The following PPP6C variants were observed in gnomAD, a reference collection of about 807,000 sequenced individuals.
The protein encoded by PPP6C is protein phosphatase 6 catalytic subunit.
A neutral mutation model predicts 39.8 loss-of-function variants in PPP6C; 11 were observed. The ratio of observed to expected loss-of-function variants is 0.28; its 90% CI spans 0.17 to 0.46. The LOEUF (loss-of-function observed/expected upper bound fraction) is 0.46. Among genes scored for constraint, PPP6C ranks in the 20% least tolerant of loss-of-function variants. The probability of loss-of-function intolerance (pLI) is 1.00; values close to 1 mark genes in which losing one functional copy is unlikely to be tolerated. For synonymous variants in PPP6C, 129 were observed against 130.3 expected (o/e 0.99, Z 0.07); for missense variants, 211 against 373.9 (o/e 0.56, Z 3.59).
At chr9:125,185,275 C>T (rs56754163) in intron 1 of PPP6C, among the ~76,000 whole-genome samples, 2 of 149,568 alleles carry the variant, frequency 1.3e-5, no homozygotes, top group Middle Eastern at 6.8e-3. Flanking sequence ...GACAGGGTCT[C>T]GCTCTGTTGG....
At chr9:125,173,454 T>C (rs996622673) in intron 1 of PPP6C, among the ~76,000 whole-genome samples, 16 of 147,506 alleles carry the variant, frequency 1.1e-4, no homozygotes, top group Admixed American at 1.0e-3. Context: ...GGTGCACAGC[T>C]GTAATCCCAG....
Position 125,149,685 on chromosome 9 carries a change from T to C in PPP6C, c.906A>G (p.Pro302=), listed in dbSNP as rs374052562. 94 of 1,613,990 alleles carry C rather than the reference T, an allele frequency of 5.8e-5. No individual in the cohort carries two copies. The Admixed American group carries it at 1.3e-3, about 23-fold the overall frequency. Residue 302 remains proline, a synonymous_variant, in exon 7 of 7, where the codon CCA becomes CCG. Transcript: ENST00000373547. The part of the protein sequence containing the change: ...ERVIPPRTTT[P]YFL ...ATGGGCGAAGGCCTCAAAGGAAATATGGCGTTGTCGTTCTGGGAGGAATAA... is the reference window on the plus strand; with the variant it reads ...ATGGGCGAAGGCCTCAAAGGAAATACGGCGTTGTCGTTCTGGGAGGAATAA...
At chr9:125,187,462 T>G (rs1304189096) in intron 1 of PPP6C, among the ~76,000 whole-genome samples, 1 of 151,716 alleles carries the variant, frequency 6.6e-6, no homozygotes, top group African/African-American at 2.4e-5. Context: ...TTCTGTGTTT[T>G]TAGTAGAGAG....
chr9:125,174,768 G>C (rs1466163254), intron 1 of PPP6C, among the ~76,000 whole-genome samples: 1 of 151,842 alleles, frequency 6.6e-6, no homozygotes, highest in Admixed American at 6.6e-5. Context: ...AAAATAAGCT[G>C]GTCAGTAGAG....
chr9:125,158,481 A>G, intron 3 of PPP6C, 99 bp from the exon 4 acceptor site: 2 of 1,203,044 alleles, frequency 1.7e-6, no homozygotes, highest in African/African-American at 3.1e-5. Flanking sequence ...TAACTACAAT[A>G]AAGAGTTACA....
At position 125,158,224 on chromosome 9, in the gene PPP6C, G is replaced by A. The variant is rs1215534185; in HGVS notation, c.379+17C>T. ...AAGTAAAATAATATTCAGAATCAGA[G>A]AAATAGGAATTCTTACCATAAAATC... On this transcript the variant is annotated intron_variant, in intron 4 of 6. Coordinates refer to ENST00000373547, the MANE Select transcript of PPP6C (RefSeq NM_002721.5). The A allele has an allele frequency of 1.3e-6, 2 of 1,584,304 alleles. No individual in the cohort carries two copies. The highest frequency in any genetic ancestry group is 1.7e-6 in the Non-Finnish European group (2 of 1,157,086).
intron 1 of PPP6C, among the ~76,000 whole-genome samples, chr9:125,184,395 A>T (rs570764676): frequency 3.4e-4 from 51 of 151,940 alleles, no homozygotes; most frequent in Admixed American, 5.3e-4. Flanking sequence ...TCAAAAATAA[A>T]AATAATAATT....
intron 6 of PPP6C, chr9:125,151,068 GGACTA>G (rs1835925832): frequency 1.5e-6 from 2 of 1,334,100 alleles, no homozygotes; most frequent in Non-Finnish European, 2.2e-6. Context: ...ATAACCCAGT[GGACTA>G]TCTGTATGCA....
chr9:125,168,188 G>A (rs953176801), intron 2 of PPP6C, among the ~76,000 whole-genome samples: 4 of 152,076 alleles, frequency 2.6e-5, no homozygotes, highest in Admixed American at 1.3e-4. Flanking sequence ...AGCTGAAATG[G>A]CTTCTTAAAC....
At chr9:125,150,838 A>G (rs1564144856) in intron 6 of PPP6C, 2 of 776,926 alleles carry the variant, frequency 2.6e-6, no homozygotes, top group East Asian at 2.6e-5. Flanking sequence ...GGCAAAATCA[A>G]TGACAATTTA....
chr9:125,179,568 G>A (rs921113658), intron 1 of PPP6C, among the ~76,000 whole-genome samples: 1 of 151,606 alleles, frequency 6.6e-6, no homozygotes, highest in African/African-American at 2.4e-5. Flanking sequence ...CTGAGGCTTT[G>A]TACTTTCTGT....
At position 125,189,372 on chromosome 9, in the gene PPP6C, G is replaced by A. The variant is rs570907778; in HGVS notation, c.75+272C>T. On this transcript the variant is annotated intron_variant, in intron 1 of 6. Coordinates refer to ENST00000373547, the MANE Select transcript of PPP6C (RefSeq NM_002721.5). ...TTCTAAATAAAGCTGTTACAGCTGC[G>A]GGTCCTGGGGCAGCCCGAAGGCCAG... Among the ~76,000 whole-genome samples, 60 of 152,330 alleles carry A rather than the reference G, an allele frequency of 3.9e-4. 1 individual carries two copies. In the Middle Eastern group the frequency reaches 0.014, roughly 35 times the overall value.
intron 1 of PPP6C, among the ~76,000 whole-genome samples, chr9:125,185,608 C>A (rs10986623): frequency 0.015 from 2,289 of 151,518 alleles, 115 homozygotes; most frequent in Admixed American, 0.082. Flanking sequence ...GCAGGAGAAT[C>A]GCTTGAATCC....
At chr9:125,165,921 T>TAAGTAGC (rs1359057482) in intron 2 of PPP6C, among the ~76,000 whole-genome samples, 1 of 149,212 alleles carries the variant, frequency 6.7e-6, no homozygotes, top group Non-Finnish European at 1.5e-5. Context: ...CTCAGCCACC[T>TAAGTAGC]AAGTAGCCGA....
At chr9:125,168,942 G>A (rs573548003) in intron 2 of PPP6C, among the ~76,000 whole-genome samples, 13 of 151,704 alleles carry the variant, frequency 8.6e-5, no homozygotes, top group East Asian at 5.8e-4. Flanking sequence ...TGTATTTTTC[G>A]TAGAGACAGG....
chr9:125,180,425 A>C (rs1420851568), intron 1 of PPP6C, among the ~76,000 whole-genome samples: 1 of 151,898 alleles, frequency 6.6e-6, no homozygotes, highest in South Asian at 2.1e-4. Context: ...TTGGCCTGTA[A>C]TTTTTTCTTT....
chr9:125,165,674 A>T (rs1458818916), intron 2 of PPP6C, among the ~76,000 whole-genome samples: 3 of 152,174 alleles, frequency 2.0e-5, no homozygotes, highest in African/African-American at 7.2e-5. Context: ...GTATTTTAAT[A>T]ACATTTTCAG....
At chr9:125,165,096 C>T (rs1278222054) in intron 2 of PPP6C, among the ~76,000 whole-genome samples, 1 of 151,884 alleles carries the variant, frequency 6.6e-6, no homozygotes, top group African/African-American at 2.4e-5. Context: ...CCCAGTAGTT[C>T]TCAAACTTTT....
At chr9:125,173,529 G>A (rs2131332142) in intron 1 of PPP6C, among the ~76,000 whole-genome samples, 2 of 151,686 alleles carry the variant, frequency 1.3e-5, no homozygotes, top group Middle Eastern at 6.8e-3. Context: ...CGAAAACCGA[G>A]GTCGCGCCAC....
Sources: allele counts gnomAD v4.1 joint callset (sites outside exome capture counted in the v4.1 genomes callset), GRCh38; gene constraint gnomAD v4.1.1; transcripts MANE v1.5; gene names NCBI Gene and HGNC (gene_info 2026-07-23, HGNC 2026-07-21).